Variants in PEX5L observed in about 807,000 individuals in gnomAD.
PEX5L encodes peroxisomal biogenesis factor 5 like.
A neutral mutation model predicts 84.0 loss-of-function variants in PEX5L; 30 were observed. That is an observed-to-expected ratio of 0.36 (90% CI 0.27 to 0.48). PEX5L has a LOEUF of 0.48. Ranked by LOEUF, PEX5L falls within the 20% of genes least tolerant of loss-of-function variation. The pLI, the probability that PEX5L is intolerant of heterozygous loss-of-function variation, is 0.99. For missense variants in PEX5L, 533 were observed against 754.6 expected, an observed-to-expected ratio of 0.71 and a Z score of 3.44; for synonymous variants, 270 against 283.1, an observed-to-expected ratio of 0.95 and a Z score of 0.46.
At chr3:179,870,284 C>T (rs1209490033) in intron 7 of PEX5L, among the ~76,000 whole-genome samples, 2 of 152,288 alleles carry the variant, frequency 1.3e-5, no homozygotes, top group Non-Finnish European at 2.9e-5. Context: ...ACCCTGAATT[C>T]CAGCAACCAG....
chr3:179,878,076 C>G (rs946677382), intron 5 of PEX5L, among the ~76,000 whole-genome samples: 2 of 152,186 alleles, frequency 1.3e-5, no homozygotes, highest in Non-Finnish European at 2.9e-5. Flanking sequence ...AGTTCTAGAC[C>G]TATATACTTA....
intron 8 of PEX5L, among the ~76,000 whole-genome samples, chr3:179,853,208 T>C (rs1228552559): frequency 1.3e-5 from 2 of 152,202 alleles, no homozygotes; most frequent in Non-Finnish European, 2.9e-5. Flanking sequence ...ATTGATCTTA[T>C]TCAATTCTCT....
intron 1 of PEX5L, among the ~76,000 whole-genome samples, chr3:180,030,700 G>A (rs1037519795): frequency 1.3e-5 from 2 of 152,136 alleles, no homozygotes; most frequent in Non-Finnish European, 2.9e-5. Context: ...CAACAACACC[G>A]TTCTTCTCCT....
rs1721975761 is a variant in PEX5L, at chr3:179,807,807, C to A, written c.1543G>T (p.Gly515Trp). 1 of 1,613,836 alleles carries A rather than the reference C, an allele frequency of 6.2e-7. No homozygotes were observed. The highest frequency in any genetic ancestry group is 8.5e-7 in the Non-Finnish European group (1 of 1,180,006). Residue 515 changes from glycine to tryptophan, a missense_variant, in exon 14 of 15, where the codon GGG becomes TGG. Gly to Trp is a radical substitution (Grantham distance 184). Coordinates refer to ENST00000467460, the MANE Select transcript of PEX5L (RefSeq NM_016559.3). ...CGGTCTCCGTTCGCCAAGGTCGCCC[C>A]GAGGCGGTTCCATAGTGAATAGTCC... Reference protein sequence around the residue: ...PEDYSLWNRLGATLANGDRSE... With the variant: ...PEDYSLWNRLWATLANGDRSE...
chr3:179,928,391 G>A (rs1397838120), intron 2 of PEX5L, among the ~76,000 whole-genome samples: 2 of 152,164 alleles, frequency 1.3e-5, no homozygotes, highest in African/African-American at 2.4e-5. Flanking sequence ...GAGGTCCCAG[G>A]AGACAAAGAG....
chr3:179,838,026 A>G (rs1735649196), intron 8 of PEX5L, among the ~76,000 whole-genome samples: 2 of 152,184 alleles, frequency 1.3e-5, no homozygotes, highest in Non-Finnish European at 2.9e-5. Context: ...CCATCCATCA[A>G]ATACCTACCT....
chr3:179,900,638 G>T, intron 2 of PEX5L: 1 of 1,414,464 alleles, frequency 7.1e-7, no homozygotes, highest in Non-Finnish European at 9.7e-7. Flanking sequence ...AAATACATGC[G>T]GTGCTTTTTA....
chr3:179,974,069 T>C (rs1031116769), intron 1 of PEX5L: 2 of 985,606 alleles, frequency 2.0e-6, no homozygotes, highest in African/African-American at 1.7e-5. Context: ...CTTCCCACTT[T>C]GCTTAGCTCA....
intron 1 of PEX5L, among the ~76,000 whole-genome samples, chr3:179,997,405 A>C (rs2110403632): frequency 6.6e-6 from 1 of 152,320 alleles, no homozygotes; most frequent in East Asian, 1.9e-4. Flanking sequence ...AGAATGCATA[A>C]TTGGCATAGA....
Position 180,025,060 on chromosome 3 carries a change from C to T in PEX5L, c.21+11519G>A, listed in dbSNP as rs536661807. ...TAAAGAGGTTGAACCCATTAAACTGCGTAGACTGCTTTGACAGTGGAGTGT... is the reference window on the plus strand; with the variant it reads ...TAAAGAGGTTGAACCCATTAAACTGTGTAGACTGCTTTGACAGTGGAGTGT... On this transcript the variant is annotated intron_variant, in intron 1 of 14. Transcript: ENST00000467460. Among the ~76,000 whole-genome samples, 7 of 152,254 alleles carry T rather than the reference C, an allele frequency of 4.6e-5. No homozygotes were observed. In the South Asian group the frequency reaches 1.0e-3, roughly 23 times the overall value.
intron 2 of PEX5L, among the ~76,000 whole-genome samples, chr3:179,945,195 G>C (rs1315694981): frequency 6.6e-6 from 1 of 152,198 alleles, no homozygotes; most frequent in Admixed American, 6.5e-5. Context: ...GAAGCTGGCA[G>C]AATGGGGATT....
In PEX5L at chr3:179,880,027, G is replaced by A; in HGVS notation, c.407C>T (p.Ser136Phe). The A allele has an allele frequency of 6.2e-7, 1 of 1,613,984 alleles. No individual in the cohort carries two copies. The highest frequency in any genetic ancestry group is 8.5e-7 in the Non-Finnish European group (1 of 1,179,876). Residue 136 changes from serine (S) to phenylalanine (F), a missense_variant, in exon 5 of 15, where the codon TCC becomes TTC. Coordinates refer to ENST00000467460, the MANE Select transcript of PEX5L (RefSeq NM_016559.3). ...AGATCCATCGGCCTTTTTCTTGAGG[G>A]ATGAGGTTTTTGATGAGGGCTCTGA... ...KKSEPSSKTS[S>F]LKKKADGSDL...
intron 2 of PEX5L, among the ~76,000 whole-genome samples, chr3:179,929,222 G>T (rs1772306795): frequency 6.6e-6 from 1 of 152,098 alleles, no homozygotes; most frequent in Non-Finnish European, 1.5e-5. Flanking sequence ...TAAAAATCAG[G>T]TTGCTTCCCT....
chr3:179,930,022 T>G (rs1368611604), intron 2 of PEX5L, among the ~76,000 whole-genome samples: 1 of 152,168 alleles, frequency 6.6e-6, no homozygotes, highest in Non-Finnish European at 1.5e-5. Context: ...TTGTATGTAT[T>G]TTTCAAAGTG....
chr3:179,974,107 T>TG, intron 1 of PEX5L: 1 of 985,578 alleles, frequency 1.0e-6, no homozygotes, highest in Non-Finnish European at 1.2e-6. Context: ...TCTTCAGCTC[T>TG]CCTCCCTCCT....
chr3:179,923,889 G>A (rs902579199), intron 2 of PEX5L, among the ~76,000 whole-genome samples: 1 of 152,186 alleles, frequency 6.6e-6, no homozygotes, highest in African/African-American at 2.4e-5. Context: ...CTGGCCTAAC[G>A]AGAGTTATTG....
chr3:179,994,155 T>A (rs1289085288), intron 1 of PEX5L, among the ~76,000 whole-genome samples: 1 of 152,220 alleles, frequency 6.6e-6, no homozygotes, highest in African/African-American at 2.4e-5. Flanking sequence ...TTGTCCAGCT[T>A]GCCAACTGCC....
chr3:180,035,262 C>T (rs1025872082), intron 1 of PEX5L, among the ~76,000 whole-genome samples: 2 of 152,076 alleles, frequency 1.3e-5, no homozygotes, highest in Non-Finnish European at 2.9e-5. Flanking sequence ...ATTTTTTCAG[C>T]AGTCATTATT....
intron 3 of PEX5L, among the ~76,000 whole-genome samples, chr3:179,895,281 A>G (rs1176787102): frequency 6.6e-6 from 1 of 152,084 alleles, no homozygotes; most frequent in African/African-American, 2.4e-5. Flanking sequence ...TGTGTATTTT[A>G]TACTTGCAGC....
Sources: allele counts gnomAD v4.1 joint callset (sites outside exome capture counted in the v4.1 genomes callset), GRCh38; gene constraint gnomAD v4.1.1; transcripts MANE v1.5; gene names NCBI Gene and HGNC (gene_info 2026-07-23, HGNC 2026-07-21).